ECSCR: variants seen among roughly 807,000 people sequenced by gnomAD.
ECSCR encodes the protein endothelial cell surface expressed chemotaxis and apoptosis regulator, also known as endothelial cell-specific chemotaxis regulator.
A neutral mutation model predicts 16.7 loss-of-function variants in ECSCR; 12 were observed. The ratio of observed to expected loss-of-function variants is 0.72; its 90% CI spans 0.46 to 1.17. ECSCR has a LOEUF of 1.17. Among genes scored for constraint, ECSCR ranks in the 50% most tolerant of loss-of-function variants. The pLI, the probability that ECSCR is intolerant of heterozygous loss-of-function variation, is 0.00. For synonymous variants in ECSCR, 44 were observed against 42.2 expected (o/e 1.04, Z -0.17); for missense variants, 122 against 116.1 (o/e 1.05, Z -0.23).
intron 8 of ECSCR, 108 bp downstream of exon 8, chr5:139,454,494 G>A (rs1751114021): frequency 2.5e-6 from 1 of 395,262 alleles, no homozygotes; most frequent in Non-Finnish European, 4.5e-6. Context: ...GTGTGAAGGT[G>A]TATGGTGTGT....
chr5:139,449,443 T>C (rs1250629164), intron 8 of ECSCR, among the ~76,000 whole-genome samples: 2 of 152,182 alleles, frequency 1.3e-5, no homozygotes, highest in Non-Finnish European at 2.9e-5. Context: ...GTTCAAGCGA[T>C]TCTCCTGCCT....
intron 8 of ECSCR, among the ~76,000 whole-genome samples, chr5:139,452,138 G>A (rs1169236790): frequency 1.1e-4 from 16 of 147,820 alleles, no homozygotes; most frequent in Non-Finnish European, 2.2e-4. Context: ...GGGTGTGTGT[G>A]GTATGTGGAT....
intron 1 of ECSCR, 127 bp downstream of exon 1, chr5:139,462,483 G>T: frequency 1.1e-6 from 1 of 945,776 alleles, no homozygotes; most frequent in Non-Finnish European, 1.6e-6. Flanking sequence ...TTCATGGAAA[G>T]GCTCTGGAAT....
chr5:139,457,431 A>G, intron 4 of ECSCR, 114 bp downstream of exon 4: 2 of 758,376 alleles, frequency 2.6e-6, no homozygotes, highest in South Asian at 2.8e-5. Flanking sequence ...GTGAGGGTCT[A>G]TTTCCTTGTC....
intron 6 of ECSCR, 150 bp from the exon 7 acceptor site, chr5:139,455,073 C>T (rs968219199): frequency 8.1e-6 from 2 of 245,680 alleles, no homozygotes; most frequent in East Asian, 4.4e-5. Flanking sequence ...GGTGAGCTCT[C>T]AGCCTGCCCG....
At chr5:139,462,469 G>A in intron 1 of ECSCR, 141 bp downstream of exon 1, 1 of 828,208 alleles carries the variant, frequency 1.2e-6, no homozygotes, top group Non-Finnish European at 2.0e-6. Context: ...CAATCCAACT[G>A]ATCTTCATGG....
rs907089156 is a variant in ECSCR at position 139,455,354 on chromosome 5, C to T, written c.345G>A (p.Thr115=). ...CAGCCACAGTGAGCACAGTCTCTGACGTGGGGCTGGGCAGGATGGTCGCAT... is the reference window on the plus strand; with the variant it reads ...CAGCCACAGTGAGCACAGTCTCTGATGTGGGGCTGGGCAGGATGGTCGCAT... ...REDATILPSP[T]SETVLTVAAF... The change falls in exon 6 of 10, where the codon ACG becomes ACA. Residue 115 remains threonine, a synonymous_variant. Coordinates refer to ENST00000618155, the MANE Select transcript of ECSCR (RefSeq NM_001077693.4). 25 of 398,734 alleles carry T rather than the reference C, an allele frequency of 6.3e-5. No homozygotes were observed. In the South Asian group the frequency reaches 6.4e-4, roughly 10 times the overall value. The allele number at this position is 398,734 out of a possible 1,614,324, so 24.7% of individuals were successfully genotyped here.
rs1044638529 is a variant in ECSCR at position 139,455,339 on chromosome 5, G to T, written c.360C>A (p.Leu120=). ...CGGTCTCACCAAATGCAGCCACAGT[G>T]AGCACAGTCTCTGACGTGGGGCTGG... ...ILPSPTSETV[L]TVAAFGVISF... is the part of the protein sequence containing the mutation. Residue 120 remains leucine (L), a synonymous_variant, in exon 6 of 10, where the codon CTC becomes CTA. Transcript: ENST00000618155. 61 of 398,590 alleles carry T rather than the reference G, an allele frequency of 1.5e-4. No individual in the cohort carries two copies. Among genetic ancestry groups the T allele is most frequent in the Middle Eastern group, 1.2e-3 (2 of 1,612 alleles). The allele number at this position is 398,590 out of a possible 1,614,324, so 24.7% of individuals were successfully genotyped here.
chr5:139,455,030 G>T, intron 6 of ECSCR, 107 bp from the exon 7 acceptor site: 1 of 397,918 alleles, frequency 2.5e-6, no homozygotes, highest in Non-Finnish European at 4.4e-6. Context: ...ACAGGCTCCA[G>T]GAGCAAAGTG....
At chr5:139,456,542 A>C (rs1300655654) in intron 4 of ECSCR, 24 bp from the exon 5 acceptor site, 2 of 398,578 alleles carry the variant, frequency 5.0e-6, no homozygotes, top group African/African-American at 2.1e-5. Context: ...CAGCATGACC[A>C]AGATGGGGGC....
chr5:139,459,973 C>T (rs548613775), intron 1 of ECSCR, among the ~76,000 whole-genome samples: 58 of 152,226 alleles, frequency 3.8e-4, no homozygotes, highest in African/African-American at 1.2e-3. Context: ...CCCTTGTTGG[C>T]GAGAGGGGGA....
intron 1 of ECSCR, among the ~76,000 whole-genome samples, chr5:139,459,798 C>T (rs1439346306): frequency 1.3e-5 from 2 of 152,190 alleles, no homozygotes; most frequent in Non-Finnish European, 2.9e-5. Flanking sequence ...GTGCCAGGGG[C>T]CCACCCCAGC....
chr5:139,457,650 G>A (rs750111236), intron 3 of ECSCR, 46 bp from the exon 4 acceptor site: 4 of 1,273,298 alleles, frequency 3.1e-6, no homozygotes, highest in Non-Finnish European at 4.6e-6. Context: ...GGGTAGGTTT[G>A]GTGACACCAC....
At chr5:139,458,265 T>C (rs1250324632) in intron 1 of ECSCR, 82 bp from the exon 2 acceptor site, 1 of 1,340,880 alleles carries the variant, frequency 7.5e-7, no homozygotes, top group Non-Finnish European at 1.0e-6. Context: ...GAATGCCTTC[T>C]GGCCCAGCCT....
At chr5:139,452,400 G>C (rs1751081676) in intron 8 of ECSCR, among the ~76,000 whole-genome samples, 3 of 151,874 alleles carry the variant, frequency 2.0e-5, no homozygotes, top group African/African-American at 7.3e-5. Flanking sequence ...AGGTGTGTGT[G>C]TGGAGGGGTG....
intron 1 of ECSCR, among the ~76,000 whole-genome samples, chr5:139,461,139 C>T (rs946479739): frequency 6.6e-6 from 1 of 152,070 alleles, no homozygotes; most frequent in Non-Finnish European, 1.5e-5. Flanking sequence ...CTCTGGCCTG[C>T]GCAATGGAGC....
At chr5:139,454,558 T>G in intron 8 of ECSCR, 44 bp downstream of exon 8, 1 of 397,912 alleles carries the variant, frequency 2.5e-6, no homozygotes, top group Non-Finnish European at 4.4e-6. Flanking sequence ...CCTCTGGGAG[T>G]TGGGGTCTGG....
rs546936748 is a variant in ECSCR, at chr5:139,450,740, C to T, written c.513-1566G>A. Among the ~76,000 whole-genome samples the T allele has an allele frequency of 2.4e-3, 367 of 150,900 alleles. 1 individual carries two copies. The highest frequency in any genetic ancestry group is 3.9e-3 in the Non-Finnish European group (262 of 67,816). ...GCAGTGAGCTGAGATTGTACCACTG[C>T]ACTCCAGCCCAGGCAACAGAGCAAG... On this transcript the variant is annotated intron_variant, in intron 8 of 9. Transcript: ENST00000618155.
At chr5:139,452,468 TA>T (rs2152088540) in intron 8 of ECSCR, among the ~76,000 whole-genome samples, 5 of 60,476 alleles carry the variant, frequency 8.3e-5, no homozygotes, top group South Asian at 1.1e-3. Flanking sequence ...TATGTGTGTG[TA>T]GTGTGGGGTG....
Sources: gnomAD v4.1 joint callset for allele counts (sites outside exome capture counted in the v4.1 genomes callset) on GRCh38, gnomAD v4.1.1 for gene constraint, MANE v1.5 for transcripts, NCBI Gene and HGNC (gene_info 2026-07-23, HGNC 2026-07-21) for gene names.